DNER: variants seen among roughly 807,000 people sequenced by gnomAD.
The protein encoded by DNER is delta/notch like EGF repeat containing.
In DNER, 33 loss-of-function variants were observed where a neutral mutation model predicts 78.2. The observed-to-expected ratio is 0.42, with a 90% CI of 0.32 to 0.56. DNER has a LOEUF of 0.56. Among genes scored for constraint, DNER ranks in the 20% least tolerant of loss-of-function variants. The pLI is 0.11. For synonymous variants in DNER, 417 were observed against 384.8 expected (o/e 1.08, Z -0.98); for missense variants, 918 against 975.3 (o/e 0.94, Z 0.78).
intron 5 of DNER, among the ~76,000 whole-genome samples, chr2:229,513,508 T>C (rs552404133): frequency 6.6e-6 from 1 of 152,346 alleles, no homozygotes; most frequent in South Asian, 2.1e-4. Flanking sequence ...CTTATGATAT[T>C]AACATTATCT....
chr2:229,545,164 T>C (rs1404605028), intron 5 of DNER, among the ~76,000 whole-genome samples: 2 of 152,132 alleles, frequency 1.3e-5, no homozygotes, highest in Admixed American at 6.6e-5. Context: ...GAGATGGATG[T>C]AGTGAGTGGT....
At chr2:229,633,603 G>T (rs1559189752) in intron 1 of DNER, among the ~76,000 whole-genome samples, 1 of 152,298 alleles carries the variant, frequency 6.6e-6, no homozygotes, top group South Asian at 2.1e-4. Context: ...AAGTATGAAA[G>T]GTGAAACAAA....
At chr2:229,549,486 G>A (rs552628239) in intron 4 of DNER, among the ~76,000 whole-genome samples, 4 of 152,068 alleles carry the variant, frequency 2.6e-5, no homozygotes, top group Non-Finnish European at 5.9e-5. Context: ...CTGTATTGAG[G>A]CGGGGTGTCA....
intron 1 of DNER, among the ~76,000 whole-genome samples, chr2:229,644,262 C>T (rs1270986636): frequency 6.6e-6 from 1 of 151,814 alleles, no homozygotes. Context: ...GGTATCCATC[C>T]CCTCAAGCAT....
Position 229,517,284 on chromosome 2 carries a change from G to C in DNER, c.994-4348C>G, listed in dbSNP as rs562275948. On this transcript the variant is annotated intron_variant, in intron 5 of 12. Transcript: ENST00000341772. ...ACAGAAGTGAACAAGACCCTCTCCT[G>C]GGGTTTATATTCTAGTAGCGTTGAC... 6.6e-5 allele frequency among the ~76,000 whole-genome samples: 10 copies of C among 152,264 alleles called. No individual in the cohort carries two copies. The South Asian group carries it at 1.9e-3, about 28-fold the overall frequency.
At chr2:229,543,948 A>G (rs1696567764) in intron 5 of DNER, among the ~76,000 whole-genome samples, 1 of 152,068 alleles carries the variant, frequency 6.6e-6, no homozygotes, top group Non-Finnish European at 1.5e-5. Context: ...TCTCATCTCC[A>G]TAGCAGCATC....
intron 5 of DNER, among the ~76,000 whole-genome samples, chr2:229,522,567 A>C (rs749339020): frequency 6.6e-6 from 1 of 152,250 alleles, no homozygotes; most frequent in Non-Finnish European, 1.5e-5. Flanking sequence ...TTCTTATTTT[A>C]AAATTCCATT....
In DNER at chr2:229,377,071, C is replaced by T. The variant is rs116080006; in HGVS notation, c.1856-9952G>A. 8.1e-4 allele frequency among the ~76,000 whole-genome samples: 124 copies of T among 152,236 alleles called. 1 individual carries two copies. The highest frequency in any genetic ancestry group is 2.6e-3 in the African/African-American group (108 of 41,544). ...CTAGAGGTGGCTGTGCAAAGCCTTACGGTGACTCATCATATATTCAAACCT... is the reference window on the plus strand; with the variant it reads ...CTAGAGGTGGCTGTGCAAAGCCTTATGGTGACTCATCATATATTCAAACCT... On this transcript the variant is annotated intron_variant, in intron 11 of 12. Coordinates refer to ENST00000341772, the MANE Select transcript of DNER (RefSeq NM_139072.4).
Position 229,546,940 on chromosome 2 carries a change from C to G in DNER, c.993+7G>C, listed in dbSNP as rs991877825. On this transcript the variant is annotated splice_region_variant and intron_variant, in intron 5 of 12. Transcript: ENST00000341772. ...GTGTATTTACAAGCTACCAGGCATC[C>G]CCTTACCTCTGACGGCTTCGTGGTG... 6.8e-6 allele frequency: 11 copies of G among 1,613,998 alleles called. No individual in the cohort carries two copies. The South Asian group carries it at 1.2e-4, about 18-fold the overall frequency.
intron 6 of DNER, among the ~76,000 whole-genome samples, chr2:229,491,781 C>T (rs1047249021): frequency 6.6e-6 from 1 of 152,176 alleles, no homozygotes; most frequent in African/African-American, 2.4e-5. Context: ...GTAGTTCAAA[C>T]TGATACTGTC....
At chr2:229,631,238 A>C (rs1698428979) in intron 1 of DNER, among the ~76,000 whole-genome samples, 1 of 152,224 alleles carries the variant, frequency 6.6e-6, no homozygotes, top group Non-Finnish European at 1.5e-5. Flanking sequence ...GAAAAAAAAA[A>C]CATTTAAAGA....
chr2:229,368,879 T>C (rs926838780), intron 11 of DNER, among the ~76,000 whole-genome samples: 3 of 152,208 alleles, frequency 2.0e-5, no homozygotes, highest in Non-Finnish European at 2.9e-5. Context: ...AAAATGATTA[T>C]TTTCCTCTGT....
chr2:229,395,357 C>T (rs1271815830), intron 10 of DNER, among the ~76,000 whole-genome samples: 2 of 152,080 alleles, frequency 1.3e-5, no homozygotes, highest in Non-Finnish European at 2.9e-5. Flanking sequence ...GATAAAACAC[C>T]CTTTGGGGGA....
chr2:229,477,103 GA>G, intron 7 of DNER, 36 bp downstream of exon 7: 2 of 1,543,170 alleles, frequency 1.3e-6, no homozygotes, highest in Non-Finnish European at 1.8e-6. Flanking sequence ...GATTTAAAAT[GA>G]AAAAAGTTCT....
intron 7 of DNER, among the ~76,000 whole-genome samples, chr2:229,475,404 G>A (rs750813327): frequency 4.6e-5 from 7 of 152,222 alleles, no homozygotes; most frequent in Non-Finnish European, 8.8e-5. Context: ...CCGCAACTGC[G>A]CCATCTCCTC....
At chr2:229,492,440 C>T (rs1695420583) in intron 6 of DNER, among the ~76,000 whole-genome samples, 1 of 152,228 alleles carries the variant, frequency 6.6e-6, no homozygotes, top group South Asian at 2.1e-4. Flanking sequence ...ACCTTCCACT[C>T]TATTCATAAC....
intron 7 of DNER, among the ~76,000 whole-genome samples, chr2:229,467,539 T>C (rs1050395734): frequency 4.6e-5 from 7 of 152,172 alleles, no homozygotes; most frequent in African/African-American, 1.7e-4. Context: ...ACCTGAATAG[T>C]TCAGAAGAAG....
chr2:229,601,890 A>G (rs952117441), intron 1 of DNER, among the ~76,000 whole-genome samples: 1 of 152,184 alleles, frequency 6.6e-6, no homozygotes, highest in African/African-American at 2.4e-5. Context: ...ATTGTTCTTC[A>G]AAAACCTGAT....
intron 1 of DNER, among the ~76,000 whole-genome samples, chr2:229,635,716 G>T (rs2154215876): frequency 6.6e-6 from 1 of 152,224 alleles, no homozygotes; most frequent in Non-Finnish European, 1.5e-5. Context: ...ATGTCCATAG[G>T]AGCACCATTT....
Sources: allele counts gnomAD v4.1 joint callset (sites outside exome capture counted in the v4.1 genomes callset), GRCh38; gene constraint gnomAD v4.1.1; transcripts MANE v1.5; gene names NCBI Gene and HGNC (gene_info 2026-07-23, HGNC 2026-07-21).